CNKSR2: variants seen among roughly 807,000 people sequenced by gnomAD.
CNKSR2 encodes the protein connector enhancer of kinase suppressor of Ras 2.
Under a neutral mutation model 84.4 loss-of-function variants are expected in CNKSR2, and 14 were observed. That is an observed-to-expected ratio of 0.17 (90% CI 0.11 to 0.26). The LOEUF (loss-of-function observed/expected upper bound fraction) is 0.26. Ranked by LOEUF, CNKSR2 falls within the 10% of genes least tolerant of loss-of-function variation. The pLI, the probability that CNKSR2 is intolerant of heterozygous loss-of-function variation, is 1.00. For synonymous variants in CNKSR2, 275 were observed against 277.9 expected (o/e 0.99, Z 0.10); for missense variants, 485 against 771.2 (o/e 0.63, Z 4.40).
intron 9 of CNKSR2, among the ~76,000 whole-genome samples, chrX:21,521,499 C>A (rs1316666277): frequency 1.8e-5 from 2 of 110,449 alleles, no homozygotes; most frequent in Non-Finnish European, 3.8e-5. Context: ...TAGTTAACAT[C>A]CCCAAAATGA....
chrX:21,396,534 A>C (rs1232633929), intron 1 of CNKSR2, among the ~76,000 whole-genome samples: 1 of 111,110 alleles, frequency 9.0e-6, no homozygotes, highest in East Asian at 2.8e-4. Context: ...ATTATATTTA[A>C]TGGGCAAATT....
At chrX:21,609,763 C>A in intron 20 of CNKSR2, 146 bp downstream of exon 20, 1 of 778,381 alleles carries the variant, frequency 1.3e-6, no homozygotes, top group Non-Finnish European at 1.7e-6. Context: ...CCCTTGGTGA[C>A]CTACTTTCAG....
At chrX:21,517,814 A>G (rs773136399) in intron 9 of CNKSR2, among the ~76,000 whole-genome samples, 12 of 111,757 alleles carry the variant, frequency 1.1e-4, no homozygotes, top group African/African-American at 3.6e-4. Context: ...TGTCACTGCT[A>G]TGTAAATTGT....
At chrX:21,521,954 A>G (rs1299918657) in intron 9 of CNKSR2, among the ~76,000 whole-genome samples, 1 of 111,102 alleles carries the variant, frequency 9.0e-6, no homozygotes, top group African/African-American at 3.2e-5. Flanking sequence ...TTTTCAAATA[A>G]TTGACTACTT....
chrX:21,421,850 A>G (rs903146209), intron 1 of CNKSR2: 4 of 109,799 alleles, frequency 3.6e-5, no homozygotes, highest in Non-Finnish European at 7.6e-5. Flanking sequence ...AAAGAAGGCA[A>G]ATTGTCCAGG....
At chrX:21,490,319 G>A (rs1050847748) in intron 5 of CNKSR2, 140 bp from the exon 6 acceptor site, 3 of 543,097 alleles carry the variant, frequency 5.5e-6, no homozygotes, top group Non-Finnish European at 8.5e-6. Flanking sequence ...GAATTTCTTT[G>A]TACAGATTTT....
chrX:21,513,247 T>G (rs992930219), intron 8 of CNKSR2, among the ~76,000 whole-genome samples: 2 of 111,605 alleles, frequency 1.8e-5, no homozygotes, highest in African/African-American at 6.5e-5. Flanking sequence ...GCATGAAATA[T>G]TAGAAAGATG....
chrX:21,497,694 T>G, intron 6 of CNKSR2, 93 bp from the exon 7 acceptor site: 1 of 509,543 alleles, frequency 2.0e-6, no homozygotes, highest in Non-Finnish European at 3.5e-6. Context: ...AGTTTTAATT[T>G]GATAGAGTAA....
chrX:21,537,468 T>A (rs767284662), intron 11 of CNKSR2, among the ~76,000 whole-genome samples: 5 of 111,541 alleles, frequency 4.5e-5, no homozygotes, highest in Non-Finnish European at 9.4e-5. Flanking sequence ...GGGTGTTAAG[T>A]CCATAGCTAT....
At chrX:21,375,025 A>C in intron 1 of CNKSR2, 64 bp downstream of exon 1, 1 of 947,985 alleles carries the variant, frequency 1.1e-6, no homozygotes, top group East Asian at 3.2e-5. Flanking sequence ...CGAGGTTAGG[A>C]GGGGGCGCCC....
At chrX:21,444,215 G>A (rs1294151454) in intron 4 of CNKSR2, among the ~76,000 whole-genome samples, 1 of 111,340 alleles carries the variant, frequency 9.0e-6, no homozygotes, top group Non-Finnish European at 1.9e-5. Flanking sequence ...AAAATGAATA[G>A]CCCAGAAGTA....
At chrX:21,636,332 T>TA (rs1212853138) in intron 20 of CNKSR2, among the ~76,000 whole-genome samples, 1,139 of 105,086 alleles carry the variant, frequency 0.011, 9 homozygotes, top group African/African-American at 0.03. Context: ...ATTTGGGAGT[T>TA]AAAAAAAAAA....
intron 20 of CNKSR2, among the ~76,000 whole-genome samples, chrX:21,614,241 C>T (rs2092566023): frequency 9.0e-6 from 1 of 110,949 alleles, no homozygotes; most frequent in Admixed American, 9.6e-5. Flanking sequence ...TTTTTAAGAA[C>T]ATTAAAGTAG....
chrX:21,486,790 T>A (rs2091390066), intron 5 of CNKSR2, among the ~76,000 whole-genome samples: 1 of 111,885 alleles, frequency 8.9e-6, no homozygotes, highest in Non-Finnish European at 1.9e-5. Flanking sequence ...TATAATAATA[T>A]AATGTCTCAC....
rs2091841106 is a variant in CNKSR2, at chrX:21,526,912, A to G, written c.1003A>G (p.Ser335Gly). Reference protein sequence around the residue: ...SPTSSVATPSSTISTPTKRDS... With the variant: ...SPTSSVATPSGTISTPTKRDS... ...CACAAGCAGCGTTGCCACGCCTTCCAGCACCATCAGTACACCCACCAAAAG... is the reference window on the plus strand; with the variant it reads ...CACAAGCAGCGTTGCCACGCCTTCCGGCACCATCAGTACACCCACCAAAAG... Residue 335 changes from serine (S) to glycine (G), a missense_variant, in exon 10 of 22, where the codon AGC (serine) becomes GGC (glycine). Physicochemically the swap from Ser to Gly is moderately conservative, Grantham distance 56 (BLOSUM62 0). Coordinates refer to ENST00000379510, the MANE Select transcript of CNKSR2 (RefSeq NM_014927.5). 8.3e-7 allele frequency: 1 copy of G among 1,204,192 alleles called. No homozygotes were observed.
intron 8 of CNKSR2, among the ~76,000 whole-genome samples, chrX:21,514,323 GT>G (rs1355779437): frequency 1.8e-5 from 2 of 111,564 alleles, no homozygotes; most frequent in Non-Finnish European, 1.9e-5. Context: ...CTTTGCTCTT[GT>G]TTAAAACATT....
At chrX:21,507,042 A>G (rs1191200232) in intron 8 of CNKSR2, among the ~76,000 whole-genome samples, 2 of 107,614 alleles carry the variant, frequency 1.9e-5, no homozygotes, top group African/African-American at 3.4e-5. Flanking sequence ...ACAATTGCCC[A>G]ATCCACTTCC....
intron 7 of CNKSR2, among the ~76,000 whole-genome samples, 194 bp downstream of exon 7, chrX:21,498,040 G>T (rs1345400666): frequency 9.0e-6 from 1 of 111,198 alleles, no homozygotes; most frequent in Non-Finnish European, 1.9e-5. Context: ...TAGAATAGCT[G>T]TTTACTTAAA....
At chrX:21,507,800 G>A (rs73451473) in intron 8 of CNKSR2, among the ~76,000 whole-genome samples, 6,466 of 111,067 alleles carry the variant, frequency 0.058, 468 homozygotes, top group African/African-American at 0.19. Flanking sequence ...TGAATTTTTT[G>A]TAAGTATAGA....
Sources: allele counts gnomAD v4.1 joint callset (sites outside exome capture counted in the v4.1 genomes callset), GRCh38; gene constraint gnomAD v4.1.1; transcripts MANE v1.5; gene names NCBI Gene and HGNC (gene_info 2026-07-23, HGNC 2026-07-21).